ADCY2: variants seen among roughly 807,000 people sequenced by gnomAD.
ADCY2 encodes adenylate cyclase type 2.
In ADCY2, 31 loss-of-function variants were observed where a neutral mutation model predicts 125.2. The observed-to-expected ratio is 0.25, with a 90% confidence interval of 0.19 to 0.33. The LOEUF (loss-of-function observed/expected upper bound fraction) is 0.33. Ranked by LOEUF, ADCY2 falls within the 10% of genes least tolerant of loss-of-function variation. The pLI is 1.00. For missense variants in ADCY2, 904 were observed against 1,418.2 expected (o/e 0.64, Z 5.82); for synonymous variants, 512 against 548.4 (o/e 0.93, Z 0.93).
chr5:7,753,465 C>T (rs1224507190), intron 15 of ADCY2, among the ~76,000 whole-genome samples: 1 of 152,164 alleles, frequency 6.6e-6, no homozygotes, highest in African/African-American at 2.4e-5. Context: ...GGCATTTTCT[C>T]ATTTTCAGTT....
chr5:7,789,071 A>G (rs781153674), intron 19 of ADCY2, among the ~76,000 whole-genome samples: 7 of 152,240 alleles, frequency 4.6e-5, no homozygotes, highest in Non-Finnish European at 1.0e-4. Context: ...TATCTTAATT[A>G]ATATCAAAAT....
intron 2 of ADCY2, among the ~76,000 whole-genome samples, chr5:7,461,841 T>A (rs1165464394): frequency 6.6e-6 from 1 of 152,258 alleles, no homozygotes; most frequent in Admixed American, 6.5e-5. Context: ...GAAATATTAC[T>A]TGATTGCTAG....
intron 19 of ADCY2, 106 bp from the exon 20 acceptor site, chr5:7,789,536 C>CT: frequency 1.7e-6 from 2 of 1,184,672 alleles, no homozygotes; most frequent in Non-Finnish European, 2.4e-6. Context: ...TTTGGGGGTT[C>CT]TTTTTTCGGT....
At chr5:7,590,121 G>C (rs1427957164) in intron 3 of ADCY2, among the ~76,000 whole-genome samples, 10 of 152,138 alleles carry the variant, frequency 6.6e-5, no homozygotes, top group African/African-American at 2.4e-4. Flanking sequence ...GGAGCTATTG[G>C]AAATGAGATA....
At chr5:7,743,642 AC>A (rs779790477) in intron 14 of ADCY2, 25 bp from the exon 15 acceptor site, 4 of 1,607,484 alleles carry the variant, frequency 2.5e-6, no homozygotes, top group Non-Finnish European at 3.4e-6. Context: ...CTCCACCCTG[AC>A]TTGCTGCTTT....
At chr5:7,649,780 C>G (rs1421185658) in intron 4 of ADCY2, among the ~76,000 whole-genome samples, 1 of 152,176 alleles carries the variant, frequency 6.6e-6, no homozygotes, top group Non-Finnish European at 1.5e-5. Flanking sequence ...TAATGAATAT[C>G]TCAAACAAAA....
chr5:7,584,910 G>C (rs1239928604), intron 3 of ADCY2, among the ~76,000 whole-genome samples: 1 of 152,144 alleles, frequency 6.6e-6, no homozygotes, highest in Non-Finnish European at 1.5e-5. Context: ...ACTATTGAAA[G>C]TGATGCAGAG....
chr5:7,790,886 C>T (rs896277610), intron 20 of ADCY2, among the ~76,000 whole-genome samples: 3 of 152,068 alleles, frequency 2.0e-5, no homozygotes, highest in Non-Finnish European at 4.4e-5. Context: ...CCACATTTTC[C>T]ATATGAAAAG....
At chr5:7,686,306 A>G (rs1374615050) in intron 4 of ADCY2, among the ~76,000 whole-genome samples, 3 of 152,336 alleles carry the variant, frequency 2.0e-5, no homozygotes, top group South Asian at 4.1e-4. Context: ...CAGAGCTCAG[A>G]TTGTTCTGAA....
chr5:7,627,193 C>T (rs1390813459), intron 4 of ADCY2, among the ~76,000 whole-genome samples: 1 of 152,054 alleles, frequency 6.6e-6, no homozygotes, highest in East Asian at 1.9e-4. Flanking sequence ...ATTGAAGAGT[C>T]TGGGGAGGAG....
chr5:7,566,362 G>T (rs574674074), intron 3 of ADCY2, among the ~76,000 whole-genome samples: 1 of 152,156 alleles, frequency 6.6e-6, no homozygotes, highest in Non-Finnish European at 1.5e-5. Context: ...CAGGCATGGT[G>T]ATGCACATCT....
At position 7,653,589 on chromosome 5, in the gene ADCY2, A is replaced by G. The variant is rs141911410; in HGVS notation, c.720+27273A>G. Among the ~76,000 whole-genome samples the G allele has an allele frequency of 7.3e-3, 1,105 of 151,982 alleles. 10 individuals carry two copies. Among genetic ancestry groups the G allele is most frequent in the African/African-American group, 0.025 (1,040 of 41,436 alleles). On this transcript the variant is annotated intron_variant, in intron 4 of 24. Coordinates refer to ENST00000338316, the MANE Select transcript of ADCY2 (RefSeq NM_020546.3). ...GCCACTGCACTCCAGCCTGGGTGAC[A>G]GAGCGAGACTCTGTCTTAAAAAAAA...
chr5:7,522,543 G>C (rs1430005194), intron 3 of ADCY2: 1 of 151,976 alleles, frequency 6.6e-6, no homozygotes, highest in African/African-American at 2.4e-5. Context: ...TCGTTTATTT[G>C]AGCTGTTAAG....
intron 2 of ADCY2, among the ~76,000 whole-genome samples, chr5:7,511,318 G>C (rs112193823): frequency 0.16 from 24,099 of 152,200 alleles, 2,036 homozygotes; most frequent in African/African-American, 0.19. Context: ...CCTCACGCCT[G>C]TAATCCCAGT....
Position 7,826,719 on chromosome 5 carries a change from G to A in ADCY2, c.3124G>A (p.Val1042Ile), listed in dbSNP as rs1445100634. ...DSTGVLDKIQ[V>I]TEETSLVLQT... ...TTTCCCGTGTTCCTGTGCCTTCTAG[G>A]TTACCGAGGAGACGAGCCTCGTCCT... Residue 1042 changes from valine to isoleucine, a missense_variant and splice_region_variant, in exon 25 of 25, where the codon GTT becomes ATT. Coordinates refer to ENST00000338316, the MANE Select transcript of ADCY2 (RefSeq NM_020546.3). 1.2e-6 allele frequency: 2 copies of A among 1,613,822 alleles called. No homozygotes were observed. Among genetic ancestry groups the A allele is most frequent in the Non-Finnish European group, 8.5e-7 (1 of 1,179,962 alleles).
chr5:7,437,022 C>G, intron 2 of ADCY2, among the ~76,000 whole-genome samples: 1 of 152,150 alleles, frequency 6.6e-6, no homozygotes, highest in East Asian at 1.9e-4. Context: ...AAGGGGCCAC[C>G]AGGATCAGGC....
intron 2 of ADCY2, among the ~76,000 whole-genome samples, chr5:7,468,085 G>A (rs945845536): frequency 6.6e-6 from 1 of 152,168 alleles, no homozygotes; most frequent in East Asian, 1.9e-4. Flanking sequence ...GACTGTTATA[G>A]TTGTCCTTCA....
chr5:7,573,496 GATT>G (rs1271131141), intron 3 of ADCY2, among the ~76,000 whole-genome samples: 1 of 150,432 alleles, frequency 6.6e-6, no homozygotes, highest in Non-Finnish European at 1.5e-5. Context: ...GTGACTACAT[GATT>G]ATTTATATAC....
At chr5:7,554,066 T>TA (rs1289832156) in intron 3 of ADCY2, among the ~76,000 whole-genome samples, 10 of 152,118 alleles carry the variant, frequency 6.6e-5, no homozygotes, top group Non-Finnish European at 1.2e-4. Context: ...CTTGTGTCTT[T>TA]AAAAAAAGGG....
Sources: allele counts gnomAD v4.1 joint callset (sites outside exome capture counted in the v4.1 genomes callset), GRCh38; gene constraint gnomAD v4.1.1; transcripts MANE v1.5; gene names NCBI Gene and HGNC (gene_info 2026-07-23, HGNC 2026-07-21).